MGAT4C: variants seen among roughly 807,000 people sequenced by gnomAD.
The protein encoded by MGAT4C is MGAT4 family member C.
MGAT4C carries 19 observed loss-of-function variants against 40.1 expected under a neutral mutation model. The ratio of observed to expected loss-of-function variants is 0.47; its 90% CI spans 0.33 to 0.70. The LOEUF (loss-of-function observed/expected upper bound fraction) is 0.70, where lower values mean the gene tolerates loss of function less well. Among genes scored for constraint, MGAT4C ranks in the 30% least tolerant of loss-of-function variants. The pLI is 0.02. For synonymous variants in MGAT4C, 181 were observed against 187.1 expected (o/e 0.97, Z 0.27); for missense variants, 491 against 563.2 (o/e 0.87, Z 1.30).
At chr12:86,018,064 C>T (rs752923586) in intron 2 of MGAT4C, among the ~76,000 whole-genome samples, 4 of 152,072 alleles carry the variant, frequency 2.6e-5, no homozygotes, top group African/African-American at 4.8e-5. Flanking sequence ...CAAATTCCTC[C>T]GGTTTCTGGA....
chr12:86,075,993 C>T (rs1005360484), intron 1 of MGAT4C, among the ~76,000 whole-genome samples: 1 of 152,184 alleles, frequency 6.6e-6, no homozygotes, highest in Non-Finnish European at 1.5e-5. Context: ...AATTTCTCCA[C>T]CAAAAGTGAA....
intron 1 of MGAT4C, among the ~76,000 whole-genome samples, chr12:86,151,463 A>T (rs1210153839): frequency 6.6e-6 from 1 of 152,196 alleles, no homozygotes; most frequent in Non-Finnish European, 1.5e-5. Context: ...ATACAAAAAA[A>T]TTAGCCGGGC....
At chr12:86,630,635 G>T (rs537589934) in intron 2 of MGAT4C, among the ~76,000 whole-genome samples, 46 of 152,224 alleles carry the variant, frequency 3.0e-4, no homozygotes, top group African/African-American at 1.0e-3. Context: ...CACATAAACA[G>T]AACCAATGAT....
chr12:86,110,046 T>TAAC (rs1876950953), intron 1 of MGAT4C, among the ~76,000 whole-genome samples: 1 of 150,932 alleles, frequency 6.6e-6, no homozygotes, highest in Admixed American at 6.7e-5. Context: ...GTAAAAGTTA[T>TAAC]AACTTCAGGA....
chr12:86,676,888 A>G (rs897495273), intron 2 of MGAT4C, among the ~76,000 whole-genome samples: 4 of 152,152 alleles, frequency 2.6e-5, no homozygotes, highest in African/African-American at 9.6e-5. Flanking sequence ...AGATTCAAGA[A>G]CAGAACTCTC....
At chr12:86,601,415 T>G (rs1425937837) in intron 2 of MGAT4C, 2 of 152,226 alleles carry the variant, frequency 1.3e-5, no homozygotes, top group African/African-American at 2.4e-5. Flanking sequence ...TAGCATGAAC[T>G]TCCTCCATCC....
At chr12:86,671,940 A>G (rs2136564734) in intron 2 of MGAT4C, among the ~76,000 whole-genome samples, 1 of 152,266 alleles carries the variant, frequency 6.6e-6, no homozygotes, top group African/African-American at 2.4e-5. Context: ...ATAAAAAATA[A>G]TAAATATTTT....
In MGAT4C at chr12:85,969,626, T is replaced by A. The variant is rs1202287025; in HGVS notation, c.*9663A>T. On this transcript the variant is annotated 3_prime_UTR_variant, in exon 5 of 5. Transcript: ENST00000611864. ...TAATTATTTAAATTCATTTTTCAAC[T>A]ATTTAATGTTATTTTAATATAGTCA... 1.3e-5 allele frequency: 2 copies of A among 151,626 alleles called. No homozygotes were observed. Among genetic ancestry groups the A allele is most frequent in the African/African-American group, 4.8e-5 (2 of 41,396 alleles). 9.4% of individuals were successfully genotyped at this position (151,626 alleles called of 1,614,324 possible).
At position 85,973,661 on chromosome 12, in the gene MGAT4C, T is replaced by C. The variant is rs535045317; in HGVS notation, c.*5628A>G. 7.9e-5 allele frequency: 12 copies of C among 151,022 alleles called. No individual in the cohort carries two copies. The highest frequency in any genetic ancestry group is 7.9e-4 in the Admixed American group (12 of 15,108). 9.4% of individuals were successfully genotyped at this position (151,022 alleles called of 1,614,324 possible). The stretch of plus-strand genomic sequence containing the variant: ...ATATAATGTGAAAATTTGATCATGC[T>C]ATATTCTTAATTTAATTGTACTTCT... On this transcript the variant is annotated 3_prime_UTR_variant, in exon 5 of 5. Coordinates refer to ENST00000611864, the MANE Select transcript of MGAT4C (RefSeq NM_001351288.2).
At chr12:86,176,029 G>A (rs1400458873) in intron 1 of MGAT4C, among the ~76,000 whole-genome samples, 2 of 152,124 alleles carry the variant, frequency 1.3e-5, no homozygotes, top group Non-Finnish European at 2.9e-5. Context: ...CTCTTATGCA[G>A]TAGTTTTGGG....
intron 1 of MGAT4C, among the ~76,000 whole-genome samples, chr12:86,815,392 T>G (rs964667633): frequency 6.6e-6 from 1 of 151,990 alleles, no homozygotes; most frequent in Admixed American, 6.6e-5. Flanking sequence ...TCTACACTGC[T>G]GGTGGGAATG....
intron 2 of MGAT4C, among the ~76,000 whole-genome samples, chr12:86,569,980 T>C (rs978516348): frequency 7.2e-5 from 11 of 152,070 alleles, no homozygotes; most frequent in Admixed American, 6.6e-5. Context: ...CTCACTTATA[T>C]ATAGAATCTA....
intron 1 of MGAT4C, among the ~76,000 whole-genome samples, chr12:86,810,146 A>G (rs992850280): frequency 1.3e-5 from 2 of 151,926 alleles, no homozygotes; most frequent in African/African-American, 4.8e-5. Context: ...TTGTGTTTCC[A>G]TTAAATTTCT....
chr12:86,696,935 GT>G (rs2136607312), intron 2 of MGAT4C, among the ~76,000 whole-genome samples: 1 of 151,962 alleles, frequency 6.6e-6, no homozygotes, highest in South Asian at 2.1e-4. Flanking sequence ...AAGACAACCC[GT>G]TCCTAACAAG....
intron 2 of MGAT4C, among the ~76,000 whole-genome samples, chr12:86,671,856 C>T (rs1964263140): frequency 6.6e-6 from 1 of 152,046 alleles, no homozygotes; most frequent in South Asian, 2.1e-4. Context: ...AAGCAGGAGA[C>T]TTTAACATCC....
chr12:86,051,259 C>A (rs1408156646), intron 1 of MGAT4C, among the ~76,000 whole-genome samples: 2 of 151,882 alleles, frequency 1.3e-5, no homozygotes, highest in Admixed American at 6.6e-5. Context: ...AGTGATGTAC[C>A]TTTAAATATA....
intron 3 of MGAT4C, among the ~76,000 whole-genome samples, chr12:86,418,135 G>C (rs992051194): frequency 1.3e-5 from 2 of 152,086 alleles, no homozygotes; most frequent in Admixed American, 1.3e-4. Context: ...AAGCCATTTA[G>C]AAGGGCTATT....
chr12:86,564,739 T>C (rs1235590859), intron 2 of MGAT4C, among the ~76,000 whole-genome samples: 1 of 152,170 alleles, frequency 6.6e-6, no homozygotes, highest in African/African-American at 2.4e-5. Context: ...TGTTTGAATT[T>C]TGGAGGCAAC....
chr12:86,109,434 A>C (rs964826266), intron 1 of MGAT4C, among the ~76,000 whole-genome samples: 2 of 152,122 alleles, frequency 1.3e-5, no homozygotes, highest in African/African-American at 4.8e-5. Flanking sequence ...AGAAAACAGA[A>C]ATCTACATGA....
Sources: gnomAD v4.1 joint callset for allele counts (sites outside exome capture counted in the v4.1 genomes callset) on GRCh38, gnomAD v4.1.1 for gene constraint, MANE v1.5 for transcripts, NCBI Gene and HGNC (gene_info 2026-07-23, HGNC 2026-07-21) for gene names.